Variants in GRID2 observed in about 807,000 individuals in gnomAD.
The protein encoded by GRID2 is glutamate ionotropic receptor delta type subunit 2.
Under a neutral mutation model 114.8 loss-of-function variants are expected in GRID2, and 33 were observed. The ratio of observed to expected loss-of-function variants is 0.29; its 90% confidence interval spans 0.22 to 0.38. The LOEUF is 0.38. Ranked by LOEUF, GRID2 falls within the 10% of genes least tolerant of loss-of-function variation. The pLI is 1.00. For missense variants in GRID2, 1,184 were observed against 1,257.7 expected (o/e 0.94, Z 0.89); for synonymous variants, 505 against 449.9 (o/e 1.12, Z -1.55).
At chr4:93,727,381 G>A (rs908436168) in intron 14 of GRID2, among the ~76,000 whole-genome samples, 10 of 152,176 alleles carry the variant, frequency 6.6e-5, no homozygotes, top group African/African-American at 2.2e-4. Context: ...TGCTGGATTC[G>A]GTTTGCCAGT....
chr4:92,941,335 G>T (rs1286864905), intron 2 of GRID2, among the ~76,000 whole-genome samples: 1 of 152,164 alleles, frequency 6.6e-6, no homozygotes, highest in Non-Finnish European at 1.5e-5. Flanking sequence ...ATTTCTTGTA[G>T]ATTTTCTAGT....
At chr4:93,247,921 T>G (rs1433658) in intron 8 of GRID2, among the ~76,000 whole-genome samples, 108,112 of 151,872 alleles carry the variant, frequency 0.71, 39,393 homozygotes, top group African/African-American at 0.86. Flanking sequence ...GAGACCGAGA[T>G]AGTCTGTGGT....
intron 8 of GRID2, among the ~76,000 whole-genome samples, chr4:93,257,843 T>C (rs1749764915): frequency 6.6e-6 from 1 of 151,370 alleles, no homozygotes; most frequent in African/African-American, 2.4e-5. Context: ...CAGCAACGCA[T>C]AGGAATAAAA....
intron 13 of GRID2, among the ~76,000 whole-genome samples, chr4:93,534,109 A>G (rs987883626): frequency 6.6e-6 from 1 of 151,736 alleles, no homozygotes; most frequent in East Asian, 1.9e-4. Flanking sequence ...TTCTCACCAT[A>G]TTTGAGTCTT....
Position 92,835,795 on chromosome 4 carries a change from T to A in GRID2, c.244+245509T>A, listed in dbSNP as rs191420037. The stretch of plus-strand genomic sequence containing the variant: ...CCTTAAAAAATTGTTTTAATGGTAA[T>A]GAGTGTATACACTCCCCTCCACACT... On this transcript the variant is annotated intron_variant, in intron 2 of 15. Coordinates refer to ENST00000282020, the MANE Select transcript of GRID2 (RefSeq NM_001510.4). 2.8e-3 allele frequency among the ~76,000 whole-genome samples: 434 copies of A among 152,294 alleles called. 3 individuals carry two copies. Among genetic ancestry groups the A allele is most frequent in the Middle Eastern group, 0.017 (5 of 294 alleles).
intron 1 of GRID2, among the ~76,000 whole-genome samples, chr4:92,536,088 G>A (rs996008892): frequency 6.6e-6 from 1 of 152,186 alleles, no homozygotes; most frequent in Non-Finnish European, 1.5e-5. Flanking sequence ...TCCACAGCAA[G>A]GAAAGGAACG....
intron 2 of GRID2, among the ~76,000 whole-genome samples, chr4:92,732,968 C>T (rs1736400662): frequency 6.6e-6 from 1 of 151,952 alleles, no homozygotes; most frequent in Admixed American, 6.6e-5. Flanking sequence ...CACTAAGAAA[C>T]TTTATGATTA....
At chr4:92,945,981 G>A (rs1022287684) in intron 2 of GRID2, among the ~76,000 whole-genome samples, 12 of 152,168 alleles carry the variant, frequency 7.9e-5, no homozygotes, top group African/African-American at 2.9e-4. Context: ...CCAGAAATAT[G>A]TTGGAATCTC....
intron 10 of GRID2, among the ~76,000 whole-genome samples, chr4:93,440,514 G>C (rs745740548): frequency 9.2e-5 from 14 of 151,974 alleles, no homozygotes; most frequent in Non-Finnish European, 1.6e-4. Context: ...AATACATGTG[G>C]TCATAAGAAT....
intron 1 of GRID2, among the ~76,000 whole-genome samples, chr4:92,340,154 A>C (rs1222493134): frequency 1.3e-5 from 2 of 152,198 alleles, no homozygotes; most frequent in Non-Finnish European, 2.9e-5. Flanking sequence ...TGGAGAAATT[A>C]TGATTCTAGT....
intron 2 of GRID2, among the ~76,000 whole-genome samples, chr4:92,591,449 A>C (rs1728702356): frequency 6.6e-6 from 1 of 152,222 alleles, no homozygotes; most frequent in African/African-American, 2.4e-5. Context: ...AACTGAAGAT[A>C]ATGAATGCAA....
intron 1 of GRID2, among the ~76,000 whole-genome samples, chr4:92,563,567 T>G (rs921354): frequency 6.6e-6 from 1 of 151,842 alleles, no homozygotes; most frequent in Non-Finnish European, 1.5e-5. Context: ...ATACAATTCT[T>G]CCAGAAACAC....
At chr4:92,627,143 TTA>T (rs1256603727) in intron 2 of GRID2, among the ~76,000 whole-genome samples, 1 of 151,992 alleles carries the variant, frequency 6.6e-6, no homozygotes, top group Admixed American at 6.6e-5. Flanking sequence ...TAGATACAGG[TTA>T]TAAGACATGA....
chr4:93,031,528 C>G (rs1724439399), intron 2 of GRID2, among the ~76,000 whole-genome samples: 1 of 152,046 alleles, frequency 6.6e-6, no homozygotes, highest in African/African-American at 2.4e-5. Flanking sequence ...CCCATAATTC[C>G]TATGTGTCGT....
At chr4:93,272,004 GACCTA>G (rs1751516869) in intron 8 of GRID2, among the ~76,000 whole-genome samples, 1 of 152,126 alleles carries the variant, frequency 6.6e-6, no homozygotes, top group Non-Finnish European at 1.5e-5. Flanking sequence ...GGTAATGAGT[GACCTA>G]TTATATGTGT....
intron 3 of GRID2, among the ~76,000 whole-genome samples, chr4:93,103,648 A>C (rs78682347): frequency 0.05 from 7,525 of 151,984 alleles, 300 homozygotes; most frequent in East Asian, 0.19. Flanking sequence ...AAGGGAGGCA[A>C]GCAGAGTTGA....
intron 2 of GRID2, among the ~76,000 whole-genome samples, chr4:93,040,545 G>T (rs144084589): frequency 2.0e-5 from 3 of 152,024 alleles, no homozygotes; most frequent in African/African-American, 7.2e-5. Context: ...TTATCAGTAA[G>T]AACAATTAGA....
intron 13 of GRID2, among the ~76,000 whole-genome samples, chr4:93,554,252 T>C (rs1734079081): frequency 6.6e-6 from 1 of 152,160 alleles, no homozygotes; most frequent in Non-Finnish European, 1.5e-5. Flanking sequence ...CTGAGCCTCA[T>C]CCCTCTTTGT....
rs2149466046 is a variant in GRID2 at position 92,888,309 on chromosome 4, G to A, written c.245-196686G>A. 2.0e-5 allele frequency among the ~76,000 whole-genome samples: 3 copies of A among 152,098 alleles called. No homozygotes were observed. In the South Asian group the frequency reaches 6.2e-4, roughly 32 times the overall value. ...TAAAGGGCTCAGAAGAGGTTTTTGG[G>A]GGGTAGTATTTAATGATTTAAATAT... On this transcript the variant is annotated intron_variant, in intron 2 of 15. Coordinates refer to ENST00000282020, the MANE Select transcript of GRID2 (RefSeq NM_001510.4).
Sources: allele counts gnomAD v4.1 joint callset (sites outside exome capture counted in the v4.1 genomes callset), GRCh38; gene constraint gnomAD v4.1.1; transcripts MANE v1.5; gene names NCBI Gene and HGNC (gene_info 2026-07-23, HGNC 2026-07-21).